Variants in VRK2 observed in about 807,000 individuals in gnomAD.
VRK2 encodes the protein serine/threonine-protein kinase VRK2.
In VRK2, 60 loss-of-function variants were observed where a neutral mutation model predicts 57.6. The observed-to-expected ratio is 1.04, with a 90% CI of 0.85 to 1.29. The LOEUF is 1.29. VRK2 is among the 50% of genes most tolerant of loss of function. The probability of loss-of-function intolerance (pLI) is 0.00; values close to 1 mark genes in which losing one functional copy is unlikely to be tolerated. For synonymous variants in VRK2, 231 were observed against 199.2 expected (o/e 1.16, Z -1.35); for missense variants, 705 against 588.1 (o/e 1.20, Z -2.06).
chr2:58,090,994 G>A (rs1160139553), intron 7 of VRK2, among the ~76,000 whole-genome samples: 1 of 152,106 alleles, frequency 6.6e-6, no homozygotes, highest in Admixed American at 6.5e-5. Context: ...ATGACATTCT[G>A]GAAAAGGCAA....
At chr2:58,150,615 A>C (rs1682874064) in intron 12 of VRK2, among the ~76,000 whole-genome samples, 1 of 149,122 alleles carries the variant, frequency 6.7e-6, no homozygotes, top group Non-Finnish European at 1.5e-5. Context: ...TTTTTAAAAA[A>C]ACCTACCATT....
chr2:57,943,153 A>G (rs1671152812), intron 1 of VRK2, among the ~76,000 whole-genome samples: 1 of 152,176 alleles, frequency 6.6e-6, no homozygotes, highest in Non-Finnish European at 1.5e-5. Context: ...TGAAGCTATC[A>G]AACTGAATGC....
chr2:57,967,866 G>A (rs763630631), intron 1 of VRK2, among the ~76,000 whole-genome samples: 2 of 152,062 alleles, frequency 1.3e-5, no homozygotes, highest in Non-Finnish European at 2.9e-5. Flanking sequence ...TATTCTGATT[G>A]TTTCACCACA....
rs148197441 is a variant in VRK2 at position 58,159,583 on chromosome 2, A to G, written c.1417A>G (p.Thr473Ala). The G allele has an allele frequency of 3.7e-6, 6 of 1,613,872 alleles. No individual in the cohort carries two copies. The highest frequency in any genetic ancestry group is 2.7e-5 in the African/African-American group (2 of 75,038). The change falls in exon 13 of 13, where the codon ACA becomes GCA. Residue 473 changes from threonine (T) to alanine (A), a missense_variant. Coordinates refer to ENST00000340157, the MANE Select transcript of VRK2 (RefSeq NM_006296.7). Reference sequence around the variant, plus strand: ...AGAAAGTTCAACTGGACTTTGGCCTACAATTTCCCAGTTTACTCTTAGTGA... The same window carrying G: ...AGAAAGTTCAACTGGACTTTGGCCTGCAATTTCCCAGTTTACTCTTAGTGA... ...DLESSTGLWPTISQFTLSEET... is the reference protein window; with the variant it reads ...DLESSTGLWPAISQFTLSEET...
chr2:57,951,160 G>C lies in VRK2; in HGVS notation c.-439+43321G>C, dbSNP rs533940677. ...GAGTTCAAAATAAATATCAATATTAGCATGAGTTTTAGAAAAAGTTGATCC... is the reference window on the plus strand; with the variant it reads ...GAGTTCAAAATAAATATCAATATTACCATGAGTTTTAGAAAAAGTTGATCC... On this transcript the variant is annotated intron_variant, in intron 1 of 15. Coordinates refer to the VRK2 transcript ENST00000417641. Among the ~76,000 whole-genome samples the C allele has an allele frequency of 1.2e-4, 18 of 152,202 alleles. No individual in the cohort carries two copies. In the South Asian group the frequency reaches 3.5e-3, roughly 30 times the overall value.
At chr2:58,067,514 GTTTTC>G (rs1338964932) in intron 2 of VRK2, among the ~76,000 whole-genome samples, 2 of 151,916 alleles carry the variant, frequency 1.3e-5, no homozygotes, top group African/African-American at 4.8e-5. Context: ...TTCAAATCAT[GTTTTC>G]TTTTTTGTCT....
chr2:58,089,292 T>C (rs958641192), intron 6 of VRK2, among the ~76,000 whole-genome samples: 1 of 152,156 alleles, frequency 6.6e-6, no homozygotes, highest in Non-Finnish European at 1.5e-5. Flanking sequence ...TCAAGATTAT[T>C]TCACCATAGA....
chr2:58,076,092 A>G (rs1670062564), intron 2 of VRK2, among the ~76,000 whole-genome samples: 1 of 147,210 alleles, frequency 6.8e-6, no homozygotes, highest in South Asian at 2.1e-4. Context: ...GAGCCTTCTA[A>G]TAGCTACTGT....
upstream of VRK2, among the ~76,000 whole-genome samples, chr2:58,045,493 T>C (rs888735372): frequency 6.6e-6 from 1 of 152,212 alleles, no homozygotes; most frequent in Non-Finnish European, 1.5e-5. Context: ...TACATAAATA[T>C]CTGTAATTAT....
intron 1 of VRK2, among the ~76,000 whole-genome samples, chr2:57,979,470 A>G (rs1672352332): frequency 6.6e-6 from 1 of 150,988 alleles, no homozygotes; most frequent in Admixed American, 6.6e-5. Context: ...TATTGCATCT[A>G]TGTTCACCAG....
chr2:57,985,642 C>T (rs1280148012), intron 1 of VRK2, among the ~76,000 whole-genome samples: 1 of 152,024 alleles, frequency 6.6e-6, no homozygotes, highest in Non-Finnish European at 1.5e-5. Context: ...AAGATCAGAA[C>T]CAAAATAAGG....
intron 10 of VRK2, among the ~76,000 whole-genome samples, chr2:58,136,948 CAT>C (rs1431488518): frequency 4.7e-4 from 60 of 127,438 alleles, no homozygotes; most frequent in Admixed American, 1.9e-3. Flanking sequence ...TATTATATAT[CAT>C]ATATGTGTAT....
chr2:58,093,716 G>A (rs1412012837), intron 7 of VRK2, among the ~76,000 whole-genome samples: 1 of 152,176 alleles, frequency 6.6e-6, no homozygotes, highest in Non-Finnish European at 1.5e-5. Context: ...TGCTTTTGGT[G>A]TTTTAGTCAT....
At chr2:58,025,261 CAT>C (rs921206012) in intron 1 of VRK2, among the ~76,000 whole-genome samples, 2 of 142,328 alleles carry the variant, frequency 1.4e-5, no homozygotes, top group African/African-American at 3.0e-5. Context: ...AGGCATTGCT[CAT>C]ATTTTTTTTT....
chr2:58,113,909 AGT>A (rs1361850436), intron 7 of VRK2, among the ~76,000 whole-genome samples: 1 of 152,070 alleles, frequency 6.6e-6, no homozygotes, highest in East Asian at 1.9e-4. Flanking sequence ...ATAGTGTTGA[AGT>A]GTTGGGGCGG....
chr2:57,932,081 A>G (rs114941716), intron 1 of VRK2, among the ~76,000 whole-genome samples: 1,692 of 152,156 alleles, frequency 0.011, 34 homozygotes, highest in African/African-American at 0.037. Flanking sequence ...TTCTTACTCT[A>G]TAAGATTGCT....
chr2:58,032,333 T>C (rs188540178), intron 2 of VRK2, among the ~76,000 whole-genome samples: 6 of 152,200 alleles, frequency 3.9e-5, no homozygotes, highest in Admixed American at 3.9e-4. Flanking sequence ...ATGTATTCAG[T>C]TCTGGAGGGT....
intron 7 of VRK2, among the ~76,000 whole-genome samples, chr2:58,111,579 C>G (rs1490582865): frequency 6.6e-6 from 1 of 152,030 alleles, no homozygotes; most frequent in African/African-American, 2.4e-5. Context: ...AAGTGAGACC[C>G]CATCTCTATT....
chr2:57,914,315 A>C (rs990601007), intron 1 of VRK2, among the ~76,000 whole-genome samples: 11 of 151,680 alleles, frequency 7.3e-5, no homozygotes, highest in Admixed American at 4.6e-4. Flanking sequence ...AAATGACTAC[A>C]TGAATTGTAT....
Sources: gnomAD v4.1 joint callset for allele counts (sites outside exome capture counted in the v4.1 genomes callset) on GRCh38, gnomAD v4.1.1 for gene constraint, MANE v1.5 for transcripts, NCBI Gene and HGNC (gene_info 2026-07-23, HGNC 2026-07-21) for gene names.